The following FAR1 variants were observed in gnomAD, a reference collection of about 807,000 sequenced individuals.
FAR1 encodes male sterility domain-containing protein 2.
Under a neutral mutation model 61.1 loss-of-function variants are expected in FAR1, and 22 were observed. That is an observed-to-expected ratio of 0.36 (90% CI 0.26 to 0.51). The LOEUF is 0.51. FAR1 is among the 20% of genes least tolerant of loss of function. The pLI is 0.95. For synonymous variants in FAR1, 206 were observed against 209.7 expected, an observed-to-expected ratio of 0.98 and a Z score of 0.15; for missense variants, 359 against 626.9, an observed-to-expected ratio of 0.57 and a Z score of 4.56.
At chr11:13,717,366 C>T (rs1848568243) in intron 9 of FAR1, among the ~76,000 whole-genome samples, 2 of 152,136 alleles carry the variant, frequency 1.3e-5, no homozygotes, top group Non-Finnish European at 2.9e-5. Flanking sequence ...TGATGGTAAG[C>T]ATAGGATAAT....
At chr11:13,696,671 A>C (rs1020614918) in intron 2 of FAR1, among the ~76,000 whole-genome samples, 10 of 152,166 alleles carry the variant, frequency 6.6e-5, no homozygotes, top group Admixed American at 2.0e-4. Context: ...AAAATTATGT[A>C]ATTTTATCTT....
At chr11:13,712,504 T>C (rs1189525416) in intron 7 of FAR1, among the ~76,000 whole-genome samples, 6 of 152,070 alleles carry the variant, frequency 3.9e-5, no homozygotes, top group Admixed American at 6.6e-5. Flanking sequence ...CCAATAACTT[T>C]TTTTTTCTAG....
chr11:13,709,593 TAA>T (rs935833434), intron 4 of FAR1, among the ~76,000 whole-genome samples: 3 of 152,114 alleles, frequency 2.0e-5, no homozygotes, highest in African/African-American at 7.2e-5. Context: ...GCTTACTAGC[TAA>T]AGTTTCTCCT....
In FAR1 at chr11:13,714,693, A is replaced by G. The variant is rs774315161; in HGVS notation, c.1127+13A>G. 8.8e-6 allele frequency: 14 copies of G among 1,599,800 alleles called. No individual in the cohort carries two copies. In the South Asian group the frequency reaches 1.5e-4, roughly 17 times the overall value. On this transcript the variant is annotated intron_variant, in intron 9 of 11. Coordinates refer to ENST00000354817, the MANE Select transcript of FAR1 (RefSeq NM_032228.6). ...GAAGAAGCCCAAGGTAATGGTGACT[A>G]GCTCTGTCTTATCTGTTCCTCTGTT... is the stretch of plus-strand genomic sequence containing the variant.
Position 13,707,892 on chromosome 11 carries a change from T to A in FAR1, c.366-8T>A, listed in dbSNP as rs540812249. The A allele has an allele frequency of 2.0e-6, 3 of 1,490,572 alleles. No individual in the cohort carries two copies. The African/African-American group carries it at 4.3e-5, about 21-fold the overall frequency. 92.3% of individuals were successfully genotyped at this position (1,490,572 alleles called of 1,614,324 possible). Reference sequence around the variant, plus strand: ...AATTTTCTATTGTCACTTTTTCTTTTTAAACAGAGATGCTGTTCAGTTAAA... The same window carrying A: ...AATTTTCTATTGTCACTTTTTCTTTATAAACAGAGATGCTGTTCAGTTAAA... On this transcript the variant is annotated splice_region_variant and splice_polypyrimidine_tract_variant and intron_variant, in intron 3 of 11. Transcript: ENST00000354817.
At chr11:13,725,658 T>G (rs1434003684) in intron 10 of FAR1, among the ~76,000 whole-genome samples, 1 of 152,170 alleles carries the variant, frequency 6.6e-6, no homozygotes, top group East Asian at 1.9e-4. Flanking sequence ...ATCAGCATCC[T>G]TACACATTGC....
At chr11:13,685,346 T>G (rs1033229765) in intron 1 of FAR1, among the ~76,000 whole-genome samples, 1 of 152,094 alleles carries the variant, frequency 6.6e-6, no homozygotes, top group Non-Finnish European at 1.5e-5. Flanking sequence ...CCCAGCCAAC[T>G]GGCACCTTCA....
In FAR1 at chr11:13,729,444, G is replaced by A. The variant is rs1286973599; in HGVS notation, c.*670G>A. On this transcript the variant is annotated 3_prime_UTR_variant, in exon 12 of 12. Transcript: ENST00000354817. ...TAATGACCCTATTCGATCTAAATGGGTTTGAGAATCCATATCAGCAACATA... is the reference window on the plus strand; with the variant it reads ...TAATGACCCTATTCGATCTAAATGGATTTGAGAATCCATATCAGCAACATA... 6.6e-6 allele frequency: 1 copy of A among 151,864 alleles called. No homozygotes were observed. The highest frequency in any genetic ancestry group is 2.4e-5 in the African/African-American group (1 of 41,404). 9.4% of individuals were successfully genotyped at this position (151,864 alleles called of 1,614,324 possible).
rs1848734255 is a variant in FAR1, at chr11:13,732,131, A to G, written c.*3357A>G. 1 of 152,186 alleles carries G rather than the reference A, an allele frequency of 6.6e-6. No homozygotes were observed. The highest frequency in any genetic ancestry group is 1.5e-5 in the Non-Finnish European group (1 of 68,038). 9.4% of individuals were successfully genotyped at this position (152,186 alleles called of 1,614,324 possible). On this transcript the variant is annotated 3_prime_UTR_variant, in exon 12 of 12. Coordinates refer to ENST00000354817, the MANE Select transcript of FAR1 (RefSeq NM_032228.6). ...GAGTTAATTGTCTCTGTGATAAAAA[A>G]AAAAAATGAAATATTTTCTTATTGA...
chr11:13,675,514 T>C (rs1318121842), intron 1 of FAR1, among the ~76,000 whole-genome samples: 1 of 152,248 alleles, frequency 6.6e-6, no homozygotes, highest in Non-Finnish European at 1.5e-5. Context: ...GTAATTGGCA[T>C]ACTGTAGATG....
At chr11:13,674,870 T>C (rs915801937) in intron 1 of FAR1, among the ~76,000 whole-genome samples, 1 of 152,202 alleles carries the variant, frequency 6.6e-6, no homozygotes, top group Non-Finnish European at 1.5e-5. Flanking sequence ...AAGAACACTC[T>C]TGAACTTGTC....
At chr11:13,678,587 A>T (rs1848092492) in intron 1 of FAR1, among the ~76,000 whole-genome samples, 1 of 152,196 alleles carries the variant, frequency 6.6e-6, no homozygotes, top group Non-Finnish European at 1.5e-5. Context: ...ATAGTCCATC[A>T]GGAGGCTTGG....
intron 8 of FAR1, among the ~76,000 whole-genome samples, chr11:13,713,307 G>A (rs1263755466): frequency 2.4e-5 from 3 of 127,176 alleles, no homozygotes; most frequent in East Asian, 2.6e-4. Flanking sequence ...AGTAGCCCTC[G>A]TAGATACCTA....
rs1848290642 is a variant in FAR1 at position 13,694,835 on chromosome 11, A to G, written c.70A>G (p.Lys24Glu). Residue 24 changes from lysine (K) to glutamate (E), a missense_variant, in exon 2 of 12, where the codon AAG (lysine) becomes GAG (glutamate). Transcript: ENST00000354817. ...LLTGATGFLG[K>E]VLLEKLLRSC... ...CACAGGAGCTACCGGTTTTCTAGGG[A>G]AGGTGCTTCTGGAAAAGTTGCTGAG... 1 of 1,613,962 alleles carries G rather than the reference A, an allele frequency of 6.2e-7. No individual in the cohort carries two copies. The highest frequency in any genetic ancestry group is 1.3e-5 in the African/African-American group (1 of 74,906).
chr11:13,678,544 A>G (rs1039680954), intron 1 of FAR1, among the ~76,000 whole-genome samples: 5 of 152,284 alleles, frequency 3.3e-5, no homozygotes, highest in African/African-American at 9.6e-5. Context: ...GGTTACAGGC[A>G]TGGCCACGAA....
At chr11:13,671,865 A>G (rs186235364) in intron 1 of FAR1, among the ~76,000 whole-genome samples, 1 of 152,330 alleles carries the variant, frequency 6.6e-6, no homozygotes, top group East Asian at 1.9e-4. Flanking sequence ...AGAAAATTCA[A>G]GTCAGACCTC....
chr11:13,679,119 G>A (rs1252616983), intron 1 of FAR1, among the ~76,000 whole-genome samples: 1 of 151,696 alleles, frequency 6.6e-6, no homozygotes, highest in Non-Finnish European at 1.5e-5. Flanking sequence ...ATTTTTTTTA[G>A]CAAAAAAGAT....
At chr11:13,716,935 TC>T (rs1293991410) in intron 9 of FAR1, among the ~76,000 whole-genome samples, 51 of 92,136 alleles carry the variant, frequency 5.5e-4, no homozygotes, top group African/African-American at 1.7e-3. Flanking sequence ...ATGGTATCCC[TC>T]CCCCCTCCCC....
chr11:13,709,369 C>G (rs1848473953), intron 4 of FAR1, among the ~76,000 whole-genome samples: 1 of 152,092 alleles, frequency 6.6e-6, no homozygotes, highest in Admixed American at 6.6e-5. Context: ...GATCAATAAA[C>G]AGAAATATTT....
Sources: allele counts gnomAD v4.1 joint callset (sites outside exome capture counted in the v4.1 genomes callset), GRCh38; gene constraint gnomAD v4.1.1; transcripts MANE v1.5; gene names NCBI Gene and HGNC (gene_info 2026-07-23, HGNC 2026-07-21).